The following KCNG2 variants were observed in gnomAD, a reference collection of about 807,000 sequenced individuals.
The protein encoded by KCNG2 is potassium voltage-gated channel modifier subfamily G member 2.
A neutral mutation model predicts 12.3 loss-of-function variants in KCNG2; 7 were observed. The observed-to-expected ratio is 0.57, with a 90% CI of 0.32 to 1.07. KCNG2 has a LOEUF of 1.07. KCNG2 is among the 50% of genes least tolerant of loss of function. The pLI is 0.04. For synonymous variants in KCNG2, 414 were observed against 351.4 expected (o/e 1.18, Z -1.99); for missense variants, 703 against 726.0 (o/e 0.97, Z 0.36).
chr18:79,899,281 T>G lies in KCNG2; in HGVS notation c.866T>G (p.Leu289Arg). The change falls in exon 4 of 4, where the codon CTG becomes CGG. Residue 289 changes from leucine to arginine, a missense_variant. Physicochemically the swap from Leu to Arg is moderately radical, Grantham distance 102. Coordinates refer to ENST00000316249, the MANE Select transcript of KCNG2 (RefSeq NM_012283.2). ...GAGCGCGCGGGGCTGGTGCTGCGGCTGCTGCGTGCGCTGCGCGTGCTCTAC... is the reference window on the plus strand; with the variant it reads ...GAGCGCGCGGGGCTGGTGCTGCGGCGGCTGCGTGCGCTGCGCGTGCTCTAC... ...LLERAGLVLR[L>R]LRALRVLYVM... 1 of 1,576,158 alleles carries G rather than the reference T, an allele frequency of 6.3e-7. No individual in the cohort carries two copies. Among genetic ancestry groups the G allele is most frequent in the Non-Finnish European group, 8.6e-7 (1 of 1,169,490 alleles).
At chr18:79,879,704 A>T (rs1980219498) in intron 3 of KCNG2, among the ~76,000 whole-genome samples, 5 of 152,200 alleles carry the variant, frequency 3.3e-5, no homozygotes, top group Admixed American at 3.3e-4. Flanking sequence ...AAAGGGTGTT[A>T]TGGTTCAGAA....
intron 1 of KCNG2, among the ~76,000 whole-genome samples, chr18:79,827,668 C>T (rs1205150215): frequency 3.3e-5 from 5 of 152,062 alleles, no homozygotes; most frequent in East Asian, 1.9e-4. Flanking sequence ...CCCTGGATTT[C>T]GCTTCTTCTG....
intron 3 of KCNG2, among the ~76,000 whole-genome samples, chr18:79,876,474 G>A (rs958970181): frequency 3.9e-5 from 6 of 152,230 alleles, no homozygotes; most frequent in South Asian, 2.1e-4. Context: ...GGAAACCAGC[G>A]GCCCAGGGAC....
intron 3 of KCNG2, among the ~76,000 whole-genome samples, chr18:79,895,399 C>T (rs1980930048): frequency 1.3e-5 from 2 of 150,860 alleles, no homozygotes; most frequent in Admixed American, 1.3e-4. Flanking sequence ...ATAGTTGGGT[C>T]TGTGTCTTCT....
intron 1 of KCNG2, among the ~76,000 whole-genome samples, chr18:79,841,544 C>T (rs1978459824): frequency 6.6e-6 from 1 of 152,110 alleles, no homozygotes; most frequent in African/African-American, 2.4e-5. Context: ...TTTAAAAACT[C>T]TCAAAACTCA....
At chr18:79,896,982 C>T (rs912221021) in intron 3 of KCNG2, among the ~76,000 whole-genome samples, 4 of 152,190 alleles carry the variant, frequency 2.6e-5, no homozygotes, top group Non-Finnish European at 5.9e-5. Flanking sequence ...AAGTGATCTT[C>T]ATTTTGCTCT....
chr18:79,885,269 G>C (rs1980480028), intron 3 of KCNG2, among the ~76,000 whole-genome samples: 2 of 152,224 alleles, frequency 1.3e-5, no homozygotes, highest in Non-Finnish European at 2.9e-5. Flanking sequence ...GGCGGTGGCT[G>C]TGCGGGCCTC....
At chr18:79,828,272 AGACAT>A (rs1214727393) in intron 1 of KCNG2, among the ~76,000 whole-genome samples, 1 of 152,238 alleles carries the variant, frequency 6.6e-6, no homozygotes, top group African/African-American at 2.4e-5. Flanking sequence ...GAATACTTAA[AGACAT>A]GACATGCGTG....
intron 1 of KCNG2, among the ~76,000 whole-genome samples, chr18:79,810,171 G>A (rs901758652): frequency 3.9e-5 from 6 of 152,320 alleles, no homozygotes; most frequent in African/African-American, 7.2e-5. Context: ...AGATGGAGGC[G>A]GTGGGAGGGG....
chr18:79,828,651 GTGTGTGCCTGTGTGTGCATGTCTA>G (rs1407443065), intron 1 of KCNG2, among the ~76,000 whole-genome samples: 21 of 151,762 alleles, frequency 1.4e-4, no homozygotes, highest in Admixed American at 9.2e-4. Flanking sequence ...GTGTATGTCT[GTGTGTGCCTGTGTGTGCATGTCTA>G]TGTGTGCGTG....
chr18:79,872,641 G>A (rs8091657), intron 3 of KCNG2, among the ~76,000 whole-genome samples: 120,695 of 152,148 alleles, frequency 0.79, 52,149 homozygotes, highest in Non-Finnish European at 0.95. Context: ...GCTGCAGTAC[G>A]AGGCGCAGTT....
chr18:79,848,003 G>C (rs540016100), intron 1 of KCNG2, among the ~76,000 whole-genome samples: 1 of 152,216 alleles, frequency 6.6e-6, no homozygotes, highest in Non-Finnish European at 1.5e-5. Context: ...GGATTGGCAG[G>C]GGGGAATCCT....
chr18:79,869,622 G>C (rs1979751293), intron 3 of KCNG2, among the ~76,000 whole-genome samples: 1 of 152,204 alleles, frequency 6.6e-6, no homozygotes, highest in Non-Finnish European at 1.5e-5. Context: ...TTTCCCAGGA[G>C]AGAAAATCCG....
At chr18:79,869,385 C>T (rs547855102) in intron 3 of KCNG2, among the ~76,000 whole-genome samples, 1 of 152,210 alleles carries the variant, frequency 6.6e-6, no homozygotes, top group Admixed American at 6.5e-5. Flanking sequence ...GCGTCCCCAG[C>T]AGTGCTCAGG....
chr18:79,853,288 G>GAC (rs1411461140), intron 1 of KCNG2, among the ~76,000 whole-genome samples: 1 of 152,226 alleles, frequency 6.6e-6, no homozygotes, highest in Non-Finnish European at 1.5e-5. Context: ...AGGTGGGCCT[G>GAC]GGCTTCAGCG....
chr18:79,815,191 C>T (rs2122999116), intron 1 of KCNG2, among the ~76,000 whole-genome samples: 1 of 152,214 alleles, frequency 6.6e-6, no homozygotes, highest in Admixed American at 6.5e-5. Flanking sequence ...GTAATCCTAA[C>T]AATTTGGTAG....
At chr18:79,804,129 C>T (rs913395884) in intron 1 of KCNG2, among the ~76,000 whole-genome samples, 3 of 152,176 alleles carry the variant, frequency 2.0e-5, no homozygotes, top group African/African-American at 7.2e-5. Context: ...TGTACCGAGG[C>T]CCCATGGAAA....
chr18:79,875,255 C>A (rs527242258), intron 3 of KCNG2, among the ~76,000 whole-genome samples: 3 of 152,294 alleles, frequency 2.0e-5, no homozygotes, highest in Non-Finnish European at 4.4e-5. Flanking sequence ...CCTGCCCCAT[C>A]ATGGGAAGAA....
At chr18:79,896,872 G>A (rs1568275429) in intron 3 of KCNG2, among the ~76,000 whole-genome samples, 1 of 152,144 alleles carries the variant, frequency 6.6e-6, no homozygotes, top group Non-Finnish European at 1.5e-5. Flanking sequence ...GATTGGCAGG[G>A]TTTTTTTCCT....
Sources: gnomAD v4.1 joint callset for allele counts (sites outside exome capture counted in the v4.1 genomes callset) on GRCh38, gnomAD v4.1.1 for gene constraint, MANE v1.5 for transcripts, NCBI Gene and HGNC (gene_info 2026-07-23, HGNC 2026-07-21) for gene names.